The following PREX2 variants were observed in gnomAD, a reference collection of about 807,000 sequenced individuals.
The protein encoded by PREX2 is phosphatidylinositol 3,4,5-trisphosphate-dependent Rac exchanger 2 protein.
A neutral mutation model predicts 203.2 loss-of-function variants in PREX2; 107 were observed. The observed-to-expected ratio is 0.53, with a 90% confidence interval of 0.45 to 0.62. The LOEUF (loss-of-function observed/expected upper bound fraction) is 0.62, where lower values mean the gene tolerates loss of function less well. PREX2 is among the 20% of genes least tolerant of loss of function. The pLI is 0.00. For synonymous variants in PREX2, 672 were observed against 663.6 expected (o/e 1.01, Z -0.19); for missense variants, 1,777 against 1,955.9 (o/e 0.91, Z 1.72).
At chr8:68,172,601 G>C (rs889971609) in intron 35 of PREX2, among the ~76,000 whole-genome samples, 2 of 152,214 alleles carry the variant, frequency 1.3e-5, no homozygotes, top group African/African-American at 4.8e-5. Flanking sequence ...ATGTGGTGAT[G>C]TTTGAAGGTT....
At chr8:68,074,349 G>A (rs562202778) in intron 14 of PREX2, among the ~76,000 whole-genome samples, 4 of 152,214 alleles carry the variant, frequency 2.6e-5, no homozygotes, top group African/African-American at 7.2e-5. Flanking sequence ...TGCATTGGCT[G>A]GGACTCACAA....
intron 32 of PREX2, among the ~76,000 whole-genome samples, chr8:68,136,456 C>T (rs1811114483): frequency 6.6e-6 from 1 of 152,128 alleles, no homozygotes; most frequent in Non-Finnish European, 1.5e-5. Flanking sequence ...GGTCTGTGTG[C>T]CCCTGAGTGC....
intron 1 of PREX2, among the ~76,000 whole-genome samples, chr8:67,966,608 C>T (rs1024703475): frequency 1.3e-5 from 2 of 151,888 alleles, no homozygotes; most frequent in Non-Finnish European, 2.9e-5. Context: ...AAAAAACAAA[C>T]AAACAACAAA....
At chr8:68,013,731 G>A (rs922510863) in intron 1 of PREX2, among the ~76,000 whole-genome samples, 4 of 152,026 alleles carry the variant, frequency 2.6e-5, no homozygotes, top group African/African-American at 9.7e-5. Context: ...CAACAGTGGA[G>A]TCTGTCTTAA....
intron 38 of PREX2, among the ~76,000 whole-genome samples, chr8:68,221,881 A>G (rs888559838): frequency 2.0e-5 from 3 of 152,226 alleles, no homozygotes; most frequent in Non-Finnish European, 4.4e-5. Context: ...TCTATTTTTC[A>G]TAGGGTATGA....
chr8:68,037,637 G>A (rs1808071978), intron 6 of PREX2, among the ~76,000 whole-genome samples: 2 of 151,966 alleles, frequency 1.3e-5, no homozygotes, highest in Admixed American at 1.3e-4. Context: ...TAATAAATAG[G>A]GTGAAAGGCT....
chr8:68,224,343 G>A (rs1813015107), intron 38 of PREX2, among the ~76,000 whole-genome samples: 2 of 152,170 alleles, frequency 1.3e-5, no homozygotes, highest in Admixed American at 6.5e-5. Flanking sequence ...AGTATTGATC[G>A]CTTCTAGGAA....
At position 68,098,936 on chromosome 8, in the gene PREX2, GTGTATA is replaced by G. The variant is rs1300880423; in HGVS notation, c.2554-744_2554-739del. ...TTAATCAGAAATGCTACATATATATGTGTATATATATATATATATATATATATATAT... is the reference window on the plus strand; with the variant it reads ...TTAATCAGAAATGCTACATATATATGTATATATATATATATATATATATAT... On this transcript the variant is annotated intron_variant, in intron 22 of 39. Transcript: ENST00000288368. Among the ~76,000 whole-genome samples the G allele has an allele frequency of 2.5e-3, 186 of 74,858 alleles. 3 individuals are homozygous for G. The highest frequency in any genetic ancestry group is 0.014 in the Middle Eastern group (2 of 144). 49.1% of individuals were successfully genotyped at this position (74,858 alleles called of 152,430 possible).
intron 35 of PREX2, among the ~76,000 whole-genome samples, chr8:68,176,393 TG>T (rs1372000231): frequency 6.7e-6 from 1 of 149,556 alleles, no homozygotes; most frequent in African/African-American, 2.4e-5. Context: ...ATTTCTGCAG[TG>T]GGGTGAGTGA....
intron 1 of PREX2, among the ~76,000 whole-genome samples, chr8:68,003,888 C>CG (rs1807017739): frequency 7.4e-6 from 1 of 134,606 alleles, no homozygotes; most frequent in Non-Finnish European, 1.5e-5. Context: ...CTCACCCTCT[C>CG]GCCAGGCTGG....
At chr8:68,046,104 T>C (rs1477735410) in intron 8 of PREX2, among the ~76,000 whole-genome samples, 5 of 152,116 alleles carry the variant, frequency 3.3e-5, no homozygotes, top group African/African-American at 9.7e-5. Context: ...CTCTCCACTG[T>C]TGCTTAGGCG....
At chr8:68,190,964 C>G (rs1812281420) in intron 35 of PREX2, among the ~76,000 whole-genome samples, 1 of 151,994 alleles carries the variant, frequency 6.6e-6, no homozygotes, top group Non-Finnish European at 1.5e-5. Context: ...CACTAGGATT[C>G]CACTTTGCAT....
At chr8:68,005,187 A>G (rs1807057341) in intron 1 of PREX2, among the ~76,000 whole-genome samples, 1 of 152,072 alleles carries the variant, frequency 6.6e-6, no homozygotes, top group African/African-American at 2.4e-5. Flanking sequence ...TCGGGCCCAA[A>G]ATGTAGGCAG....
At chr8:67,994,157 C>G (rs17436597) in intron 1 of PREX2, among the ~76,000 whole-genome samples, 2 of 152,122 alleles carry the variant, frequency 1.3e-5, no homozygotes. Context: ...TTAAAGCACA[C>G]GTCTAATGGA....
chr8:68,224,425 C>G, intron 38 of PREX2, 134 bp from the exon 39 acceptor site: 1 of 687,694 alleles, frequency 1.5e-6, no homozygotes, highest in Admixed American at 2.4e-5. Flanking sequence ...ACAGCGATGT[C>G]TGTCTTTCTC....
At chr8:68,123,891 G>C (rs1810835142) in intron 30 of PREX2, among the ~76,000 whole-genome samples, 1 of 152,032 alleles carries the variant, frequency 6.6e-6, no homozygotes, top group African/African-American at 2.4e-5. Flanking sequence ...TTGAGGAGGA[G>C]GGACTCCTCC....
At position 68,059,571 on chromosome 8, in the gene PREX2, G is replaced by A. The variant is rs369504661; in HGVS notation, c.1239-1108G>A. 2.0e-5 allele frequency among the ~76,000 whole-genome samples: 3 copies of A among 152,148 alleles called. No individual in the cohort carries two copies. In the South Asian group the frequency reaches 6.2e-4, roughly 32 times the overall value. ...GTAGAACTTTTCTATGTCTTTTGGT[G>A]TACAGTAGTTTTCTATTGCTGTATA... On this transcript the variant is annotated intron_variant, in intron 10 of 39. Coordinates refer to ENST00000288368, the MANE Select transcript of PREX2 (RefSeq NM_024870.4).
intron 22 of PREX2, among the ~76,000 whole-genome samples, chr8:68,099,136 G>A (rs1194320595): frequency 6.6e-6 from 1 of 151,782 alleles, no homozygotes; most frequent in Non-Finnish European, 1.5e-5. Flanking sequence ...ATCAGCAAGA[G>A]CTCAGATGCT....
intron 39 of PREX2, among the ~76,000 whole-genome samples, chr8:68,228,967 A>AT (rs375165700): frequency 6.5e-5 from 6 of 92,274 alleles, no homozygotes; most frequent in Non-Finnish European, 6.4e-5. Flanking sequence ...AAAAAAAAAA[A>AT]GAAAGAAAAA....
Sources: allele counts gnomAD v4.1 joint callset (sites outside exome capture counted in the v4.1 genomes callset), GRCh38; gene constraint gnomAD v4.1.1; transcripts MANE v1.5; gene names NCBI Gene and HGNC (gene_info 2026-07-23, HGNC 2026-07-21).